Variants in DNAH9 observed in about 807,000 individuals in gnomAD.
The protein encoded by DNAH9 is dynein axonemal heavy chain 9.
Under a neutral mutation model 471.6 loss-of-function variants are expected in DNAH9, and 345 were observed. That is an observed-to-expected ratio of 0.73 (90% confidence interval 0.67 to 0.80). The LOEUF (loss-of-function observed/expected upper bound fraction) is 0.80. Ranked by LOEUF, DNAH9 falls within the 30% of genes least tolerant of loss-of-function variation. DNAH9 has a pLI of 0.00. For synonymous variants in DNAH9, 2,093 were observed against 2,123.6 expected (o/e 0.99, Z 0.40); for missense variants, 5,407 against 5,609.2 (o/e 0.96, Z 1.15).
At chr17:11,926,018 A>T (rs1974306344) in intron 62 of DNAH9, among the ~76,000 whole-genome samples, 1 of 134,522 alleles carries the variant, frequency 7.4e-6, no homozygotes, top group Non-Finnish European at 1.6e-5. Flanking sequence ...CCAGCCTGTA[A>T]ACCTGAGAGA....
intron 15 of DNAH9, among the ~76,000 whole-genome samples, chr17:11,667,334 T>C (rs1018007485): frequency 3.3e-5 from 5 of 152,222 alleles, no homozygotes; most frequent in Non-Finnish European, 7.3e-5. Flanking sequence ...TATAAACTTA[T>C]AGTAGTATAA....
intron 38 of DNAH9, among the ~76,000 whole-genome samples, chr17:11,770,777 C>A (rs1204595620): frequency 6.6e-6 from 1 of 152,202 alleles, no homozygotes; most frequent in East Asian, 1.9e-4. Flanking sequence ...GTCACAGCAA[C>A]AAGCATGACA....
intron 52 of DNAH9, among the ~76,000 whole-genome samples, chr17:11,872,123 T>A (rs928688080): frequency 3.3e-5 from 5 of 152,114 alleles, no homozygotes; most frequent in Non-Finnish European, 5.9e-5. Context: ...ATCTCCCCAC[T>A]CCAGAGCCAG....
intron 50 of DNAH9, among the ~76,000 whole-genome samples, chr17:11,856,145 C>G (rs2150972215): frequency 6.6e-6 from 1 of 152,292 alleles, no homozygotes. Flanking sequence ...CACATCCAAC[C>G]TCTTGCATGG....
intron 61 of DNAH9, among the ~76,000 whole-genome samples, chr17:11,911,405 C>T (rs1973790354): frequency 6.6e-6 from 1 of 152,134 alleles, no homozygotes; most frequent in African/African-American, 2.4e-5. Flanking sequence ...ATCTGTATGC[C>T]AAATAACAGT....
intron 10 of DNAH9, among the ~76,000 whole-genome samples, chr17:11,641,352 T>C (rs550216050): frequency 6.6e-6 from 1 of 152,226 alleles, no homozygotes; most frequent in African/African-American, 2.4e-5. Flanking sequence ...GACATCCAAT[T>C]TTCCAATGAT....
chr17:11,793,084 A>G (rs1275213452), intron 41 of DNAH9, among the ~76,000 whole-genome samples: 2 of 152,228 alleles, frequency 1.3e-5, no homozygotes, highest in African/African-American at 2.4e-5. Flanking sequence ...AATAATTCCA[A>G]TGTATTGAGT....
intron 10 of DNAH9, among the ~76,000 whole-genome samples, chr17:11,644,068 T>G (rs564489153): frequency 6.6e-6 from 1 of 152,266 alleles, no homozygotes; most frequent in African/African-American, 2.4e-5. Context: ...CTGTACACTT[T>G]TATACGATTG....
At chr17:11,833,594 T>C (rs1254913460) in intron 48 of DNAH9, among the ~76,000 whole-genome samples, 2 of 152,108 alleles carry the variant, frequency 1.3e-5, no homozygotes, top group Non-Finnish European at 2.9e-5. Context: ...ATTAAGGAAA[T>C]TGTTTATTGT....
At chr17:11,763,337 G>C in intron 35 of DNAH9, 103 bp from the exon 36 acceptor site, 1 of 999,022 alleles carries the variant, frequency 1.0e-6, no homozygotes, top group Non-Finnish European at 1.5e-6. Flanking sequence ...GAACTTGACG[G>C]ACCATGAGTC....
intron 49 of DNAH9, among the ~76,000 whole-genome samples, chr17:11,840,257 C>T (rs1166003865): frequency 1.3e-5 from 2 of 152,178 alleles, no homozygotes; most frequent in African/African-American, 4.8e-5. Context: ...ATGAGTCAGA[C>T]ATAAACAGAA....
At chr17:11,689,022 G>A (rs895895907) in intron 19 of DNAH9, among the ~76,000 whole-genome samples, 29 of 151,962 alleles carry the variant, frequency 1.9e-4, no homozygotes, top group African/African-American at 7.0e-4. Flanking sequence ...TTGAACCCGG[G>A]AGGCAGAGTT....
At position 11,874,995 on chromosome 17, in the gene DNAH9, T is replaced by A; in HGVS notation, c.10289T>A (p.Met3430Lys). The A allele has an allele frequency of 6.2e-7, 1 of 1,614,122 alleles. No individual in the cohort carries two copies. Among genetic ancestry groups the A allele is most frequent in the Non-Finnish European group, 8.5e-7 (1 of 1,180,026 alleles). The change falls in exon 53 of 69, where the codon ATG (methionine) becomes AAG (lysine). Residue 3430 changes from methionine to lysine, a missense_variant. Physicochemically the swap from Met to Lys is moderately conservative, Grantham distance 95. This residue lies in a region of DNAH9 where 4,636 missense variants were observed against 4,900.3 expected (regional missense o/e 0.95). Transcript: ENST00000262442. ...TPALDPLRML[M>K]DDADVAAWQN... The stretch of plus-strand genomic sequence containing the variant: ...GCCCTGGATCCCCTGAGGATGCTGA[T>A]GGATGATGCTGACGTGGCTGCCTGG...
chr17:11,959,956 T>A (rs1425903295), intron 67 of DNAH9, among the ~76,000 whole-genome samples: 2 of 152,220 alleles, frequency 1.3e-5, no homozygotes, highest in African/African-American at 4.8e-5. Flanking sequence ...GAGGTTTTTA[T>A]GTCTTAAAAT....
chr17:11,673,888 G>C (rs144516044), intron 17 of DNAH9, among the ~76,000 whole-genome samples: 2 of 151,960 alleles, frequency 1.3e-5, no homozygotes, highest in Non-Finnish European at 2.9e-5. Context: ...GTATGCATAT[G>C]GATGTATACA....
intron 35 of DNAH9, among the ~76,000 whole-genome samples, chr17:11,761,992 T>C (rs1967692869): frequency 6.6e-6 from 1 of 152,074 alleles, no homozygotes; most frequent in East Asian, 1.9e-4. Context: ...CCTATCCTCT[T>C]GGTGGCATAT....
intron 61 of DNAH9, among the ~76,000 whole-genome samples, chr17:11,909,089 T>C (rs1374883715): frequency 6.6e-6 from 1 of 152,216 alleles, no homozygotes; most frequent in African/African-American, 2.4e-5. Flanking sequence ...CTCAAACATT[T>C]AATCATTTCC....
intron 26 of DNAH9, among the ~76,000 whole-genome samples, chr17:11,708,945 A>G (rs1415778347): frequency 6.6e-6 from 1 of 152,186 alleles, no homozygotes; most frequent in East Asian, 1.9e-4. Flanking sequence ...AATGCAATGA[A>G]ATGATTCCTG....
intron 38 of DNAH9, among the ~76,000 whole-genome samples, chr17:11,770,467 C>T (rs1235193625): frequency 6.6e-6 from 1 of 152,156 alleles, no homozygotes; most frequent in African/African-American, 2.4e-5. Context: ...CACCTCTGCT[C>T]TCTGCCCCTC....
Sources: gnomAD v4.1 joint callset for allele counts (sites outside exome capture counted in the v4.1 genomes callset) on GRCh38, gnomAD v4.1.1 for gene constraint, gnomAD v4.1.1 regional missense constraint, MANE v1.5 for transcripts, NCBI Gene and HGNC (gene_info 2026-07-23, HGNC 2026-07-21) for gene names.